PCSK6: variants seen among roughly 807,000 people sequenced by gnomAD.
PCSK6 encodes proprotein convertase subtilisin/kexin type 6, also known as paired basic amino acid cleaving enzyme 4.
In PCSK6, 85 loss-of-function variants were observed where a neutral mutation model predicts 123.3. The observed-to-expected ratio is 0.69, with a 90% CI of 0.58 to 0.83. PCSK6 has a LOEUF of 0.83. Among genes scored for constraint, PCSK6 ranks in the 40% least tolerant of loss-of-function variants. The pLI is 0.00. For synonymous variants in PCSK6, 508 were observed against 516.0 expected (o/e 0.98, Z 0.21); for missense variants, 1,191 against 1,282.3 (o/e 0.93, Z 1.09).
intron 2 of PCSK6, among the ~76,000 whole-genome samples, chr15:101,442,083 T>C (rs2056768565): frequency 1.3e-5 from 2 of 152,172 alleles, no homozygotes; most frequent in African/African-American, 4.8e-5. Context: ...AATCTGGCTT[T>C]TTTCCTAGAG....
At chr15:101,371,744 C>A (rs1014493862) in intron 11 of PCSK6, among the ~76,000 whole-genome samples, 1 of 152,208 alleles carries the variant, frequency 6.6e-6, no homozygotes, top group African/African-American at 2.4e-5. Context: ...GCCTCGCTGC[C>A]TCGAATGGAA....
At chr15:101,359,993 C>T (rs1455656671) in intron 13 of PCSK6, among the ~76,000 whole-genome samples, 3 of 152,080 alleles carry the variant, frequency 2.0e-5, no homozygotes, top group Non-Finnish European at 4.4e-5. Flanking sequence ...CCAGCATCTT[C>T]CCCCCCTGCA....
chr15:101,433,702 G>A (rs183189437), intron 2 of PCSK6, among the ~76,000 whole-genome samples: 13 of 152,376 alleles, frequency 8.5e-5, no homozygotes, highest in Admixed American at 8.5e-4. Flanking sequence ...CTGAGGCTGA[G>A]TGGGCAGGGA....
At chr15:101,316,038 G>A (rs2039983950) in intron 19 of PCSK6, among the ~76,000 whole-genome samples, 1 of 152,254 alleles carries the variant, frequency 6.6e-6, no homozygotes, top group South Asian at 2.1e-4. Flanking sequence ...TGGGTGGGTG[G>A]TGGACAGCAG....
chr15:101,309,437 T>C (rs1165572630), intron 20 of PCSK6, among the ~76,000 whole-genome samples: 2 of 152,248 alleles, frequency 1.3e-5, no homozygotes, highest in East Asian at 3.8e-4. Context: ...CTTCTGGTTC[T>C]GCAACCATCT....
intron 1 of PCSK6, among the ~76,000 whole-genome samples, chr15:101,472,688 A>G (rs1423934609): frequency 2.0e-5 from 3 of 152,254 alleles, no homozygotes; most frequent in East Asian, 3.8e-4. Context: ...TGGCACAGCC[A>G]TCAGCACACA....
At chr15:101,484,492 C>T (rs1387976318) in intron 1 of PCSK6, among the ~76,000 whole-genome samples, 1 of 152,160 alleles carries the variant, frequency 6.6e-6, no homozygotes, top group African/African-American at 2.4e-5. Flanking sequence ...AGGTTCAAGC[C>T]ATTCTCCTGC....
chr15:101,310,711 G>A (rs967629966), intron 20 of PCSK6, among the ~76,000 whole-genome samples: 1 of 152,046 alleles, frequency 6.6e-6, no homozygotes, highest in African/African-American at 2.4e-5. Context: ...AAGTGCAAGG[G>A]CTTGGTGGTC....
intron 17 of PCSK6, among the ~76,000 whole-genome samples, chr15:101,323,998 A>C (rs534215047): frequency 1.3e-5 from 2 of 152,274 alleles, no homozygotes; most frequent in Non-Finnish European, 2.9e-5. Context: ...TCCCAGGGCG[A>C]GGCGAATTAC....
chr15:101,356,673 G>A (rs1357626696), intron 13 of PCSK6, among the ~76,000 whole-genome samples: 1 of 143,640 alleles, frequency 7.0e-6, no homozygotes, highest in Non-Finnish European at 1.5e-5. Flanking sequence ...GAGCGAGACT[G>A]TCTCAAAATA....
At chr15:101,313,643 G>A in intron 19 of PCSK6, 138 bp from the exon 20 acceptor site, 3 of 1,335,286 alleles carry the variant, frequency 2.2e-6, no homozygotes, top group Non-Finnish European at 3.0e-6. Context: ...CATTTCCCAG[G>A]TTCTGTGAGC....
At chr15:101,362,699 G>C (rs1298379920) in intron 13 of PCSK6, among the ~76,000 whole-genome samples, 2 of 152,200 alleles carry the variant, frequency 1.3e-5, no homozygotes, top group Non-Finnish European at 2.9e-5. Flanking sequence ...CCGCAACCCA[G>C]TAACTTGCGT....
At chr15:101,488,098 C>T (rs1281995771) in intron 1 of PCSK6, among the ~76,000 whole-genome samples, 1 of 152,160 alleles carries the variant, frequency 6.6e-6, no homozygotes, top group African/African-American at 2.4e-5. Context: ...CAACGTGGGG[C>T]TTGGGATGCA....
intron 15 of PCSK6, among the ~76,000 whole-genome samples, chr15:101,327,029 G>A (rs1045930774): frequency 1.3e-5 from 2 of 152,320 alleles, no homozygotes; most frequent in East Asian, 3.9e-4. Flanking sequence ...ACCGCCTGGT[G>A]GGGCTGTTGC....
At chr15:101,460,216 T>C (rs2057309431) in intron 1 of PCSK6, among the ~76,000 whole-genome samples, 1 of 151,292 alleles carries the variant, frequency 6.6e-6, no homozygotes, top group South Asian at 2.1e-4. Context: ...TCATCTCCCC[T>C]CAGAAGACTC....
At chr15:101,329,190 C>T (rs2040323160) in intron 15 of PCSK6, among the ~76,000 whole-genome samples, 1 of 152,318 alleles carries the variant, frequency 6.6e-6, no homozygotes, top group East Asian at 1.9e-4. Context: ...TATTTGAAAA[C>T]TCCACCTTCA....
intron 1 of PCSK6, among the ~76,000 whole-genome samples, chr15:101,457,986 G>A (rs1030533270): frequency 6.6e-6 from 1 of 152,116 alleles, no homozygotes; most frequent in African/African-American, 2.4e-5. Context: ...GCTGACATCT[G>A]GTGTCTGCAA....
At chr15:101,340,997 G>A (rs2040591790) in intron 13 of PCSK6, among the ~76,000 whole-genome samples, 1 of 147,438 alleles carries the variant, frequency 6.8e-6, no homozygotes, top group South Asian at 2.1e-4. Context: ...GTGTAGTGGT[G>A]CAATCTCAGC....
At position 101,352,695 on chromosome 15, in the gene PCSK6, A is replaced by G. The variant is rs141312766; in HGVS notation, c.1858+13501T>C. Among the ~76,000 whole-genome samples, 12 of 152,330 alleles carry G rather than the reference A, an allele frequency of 7.9e-5. No individual in the cohort carries two copies. The East Asian group carries it at 1.9e-3, about 24-fold the overall frequency. On this transcript the variant is annotated intron_variant, in intron 13 of 21. Coordinates refer to ENST00000611716, the MANE Select transcript of PCSK6 (RefSeq NM_002570.5). ...TTATAGTTAAAAAACACAGTTAAAC[A>G]CCTGCATTCATTTTTTCAGAATTTC...
Sources: gnomAD v4.1 joint callset for allele counts (sites outside exome capture counted in the v4.1 genomes callset) on GRCh38, gnomAD v4.1.1 for gene constraint, MANE v1.5 for transcripts, NCBI Gene and HGNC (gene_info 2026-07-23, HGNC 2026-07-21) for gene names.